Variants in SNTG2 observed in about 807,000 individuals in gnomAD.
The protein encoded by SNTG2 is syntrophin gamma 2.
A neutral mutation model predicts 70.9 loss-of-function variants in SNTG2; 74 were observed. That is an observed-to-expected ratio of 1.04 (90% CI 0.86 to 1.27). The LOEUF is 1.27. Among genes scored for constraint, SNTG2 ranks in the 50% most tolerant of loss-of-function variants. The pLI is 0.00. For synonymous variants in SNTG2, 278 were observed against 273.8 expected (o/e 1.02, Z -0.15); for missense variants, 717 against 690.7 (o/e 1.04, Z -0.43).
At chr2:1,356,909 T>A (rs1416827096) in intron 16 of SNTG2, among the ~76,000 whole-genome samples, 4 of 152,172 alleles carry the variant, frequency 2.6e-5, no homozygotes, top group Non-Finnish European at 5.9e-5. Flanking sequence ...TTAAGTATTT[T>A]ACTTGTTTTG....
rs144090579 is a variant in SNTG2, at chr2:1,041,757, T to A, written c.73-41761T>A. 2.2e-3 allele frequency among the ~76,000 whole-genome samples: 338 copies of A among 152,332 alleles called. 3 individuals carry two copies. Among genetic ancestry groups the A allele is most frequent in the Non-Finnish European group, 2.5e-3 (169 of 68,038 alleles). On this transcript the variant is annotated intron_variant, in intron 1 of 16. Transcript: ENST00000308624. ...ATGCGTCCTACACAGCCTGCAGATC[T>A]GTGGGCTGGTTAACTTCTTTTCCTC...
chr2:973,026 T>A (rs1422198547), intron 1 of SNTG2, among the ~76,000 whole-genome samples: 1 of 152,266 alleles, frequency 6.6e-6, no homozygotes, highest in Non-Finnish European at 1.5e-5. Flanking sequence ...CCTCTCATAT[T>A]TTGCTCTAGT....
chr2:1,286,394 G>A (rs1029997433), intron 14 of SNTG2, among the ~76,000 whole-genome samples: 6 of 152,172 alleles, frequency 3.9e-5, no homozygotes, highest in African/African-American at 1.2e-4. Flanking sequence ...TTGGCATTGT[G>A]ACTTCAAAAG....
chr2:1,052,810 T>A (rs913845990), intron 1 of SNTG2, among the ~76,000 whole-genome samples: 1 of 152,192 alleles, frequency 6.6e-6, no homozygotes, highest in Non-Finnish European at 1.5e-5. Flanking sequence ...TACCCTGGGA[T>A]GAGGTCGCTG....
At chr2:1,009,297 T>G (rs1473538547) in intron 1 of SNTG2, among the ~76,000 whole-genome samples, 44 of 119,334 alleles carry the variant, frequency 3.7e-4, no homozygotes, top group Non-Finnish European at 6.4e-4. Context: ...CCAGGAAGAC[T>G]GCTGGTTCTG....
chr2:1,358,972 C>A (rs903770916), intron 16 of SNTG2, among the ~76,000 whole-genome samples: 9 of 152,100 alleles, frequency 5.9e-5, no homozygotes, highest in African/African-American at 1.9e-4. Context: ...TCTACTTCTA[C>A]CTTCAGTTTT....
intron 2 of SNTG2, among the ~76,000 whole-genome samples, chr2:1,088,471 G>C (rs558252372): frequency 3.9e-5 from 6 of 152,262 alleles, no homozygotes; most frequent in African/African-American, 9.6e-5. Context: ...ATTAGGGGAA[G>C]GTCTGATGGA....
At chr2:1,071,699 G>A (rs2148138852) in intron 1 of SNTG2, among the ~76,000 whole-genome samples, 1 of 151,720 alleles carries the variant, frequency 6.6e-6, no homozygotes, top group African/African-American at 2.4e-5. Context: ...GTGTCGTGTT[G>A]AATGCTTAGA....
chr2:1,331,709 G>A (rs1659541555), intron 16 of SNTG2, among the ~76,000 whole-genome samples: 1 of 152,186 alleles, frequency 6.6e-6, no homozygotes, highest in East Asian at 1.9e-4. Context: ...ATAGTGTGTG[G>A]CCTCTACCTC....
intron 9 of SNTG2, among the ~76,000 whole-genome samples, chr2:1,233,985 T>A (rs1050686156): frequency 2.0e-5 from 3 of 152,174 alleles, no homozygotes; most frequent in Admixed American, 2.0e-4. Flanking sequence ...TGTGTGTCCA[T>A]CAAAGAGCAT....
chr2:1,238,797 G>A (rs56900365), intron 10 of SNTG2, among the ~76,000 whole-genome samples: 50,420 of 151,954 alleles, frequency 0.33, 10,256 homozygotes, highest in African/African-American at 0.58. Flanking sequence ...CAGCCTGGAG[G>A]CTGCAGAGGC....
intron 1 of SNTG2, among the ~76,000 whole-genome samples, chr2:960,579 G>A (rs952192284): frequency 3.3e-5 from 5 of 151,412 alleles, no homozygotes; most frequent in African/African-American, 1.2e-4. Context: ...GTTCTGAAGG[G>A]GGTGCTCCTA....
intron 1 of SNTG2, among the ~76,000 whole-genome samples, chr2:1,009,162 C>CG (rs1364471633): frequency 3.0e-5 from 4 of 133,860 alleles, no homozygotes; most frequent in Non-Finnish European, 5.0e-5. Context: ...CCTGTGTCCC[C>CG]GGGAAGACAT....
rs148572222 is a variant in SNTG2, at chr2:1,071,966, A to G, written c.73-11552A>G. ...TCTGTGAAGGTCTAGAGAGGGGAGG[A>G]AGCTTCAGAAGGAAAGTTGGAAGCT... On this transcript the variant is annotated intron_variant, in intron 1 of 16. Transcript: ENST00000308624. Among the ~76,000 whole-genome samples, 154 of 152,294 alleles carry G rather than the reference A, an allele frequency of 1.0e-3. 2 individuals carry two copies. The highest frequency in any genetic ancestry group is 6.8e-3 in the Middle Eastern group (2 of 294).
chr2:959,510 G>C (rs1660281552), intron 1 of SNTG2, among the ~76,000 whole-genome samples: 1 of 152,050 alleles, frequency 6.6e-6, no homozygotes, highest in Non-Finnish European at 1.5e-5. Flanking sequence ...CTGGAGTCGG[G>C]GGGAGGTCCA....
At chr2:1,359,509 G>A (rs979527953) in intron 16 of SNTG2, among the ~76,000 whole-genome samples, 14 of 152,024 alleles carry the variant, frequency 9.2e-5, no homozygotes, top group African/African-American at 2.2e-4. Flanking sequence ...CCTTTTGTTT[G>A]CATGAGATAT....
chr2:1,243,103 A>G (rs536168930), intron 11 of SNTG2, among the ~76,000 whole-genome samples: 14 of 152,212 alleles, frequency 9.2e-5, no homozygotes, highest in Non-Finnish European at 1.9e-4. Context: ...GCATAATTCA[A>G]TTACTTGTGT....
At chr2:1,146,580 G>C (rs1048990707) in intron 6 of SNTG2, among the ~76,000 whole-genome samples, 1 of 152,176 alleles carries the variant, frequency 6.6e-6, no homozygotes, top group African/African-American at 2.4e-5. Context: ...GGAAAGACTA[G>C]AATAGCCAAT....
At chr2:1,025,679 C>A (rs2148021132) in intron 1 of SNTG2, among the ~76,000 whole-genome samples, 1 of 152,262 alleles carries the variant, frequency 6.6e-6, no homozygotes, top group African/African-American at 2.4e-5. Flanking sequence ...TCACTGTGAC[C>A]CTGGCCCTCC....
Sources: allele counts gnomAD v4.1 joint callset (sites outside exome capture counted in the v4.1 genomes callset), GRCh38; gene constraint gnomAD v4.1.1; transcripts MANE v1.5; gene names NCBI Gene and HGNC (gene_info 2026-07-23, HGNC 2026-07-21).